KCNH7: variants seen among roughly 807,000 people sequenced by gnomAD.
The protein encoded by KCNH7 is potassium voltage-gated channel subfamily H member 7, also known as voltage-gated inwardly rectifying potassium channel KCNH7.
Under a neutral mutation model 120.8 loss-of-function variants are expected in KCNH7, and 49 were observed. The ratio of observed to expected loss-of-function variants is 0.41; its 90% CI spans 0.32 to 0.51. The LOEUF (loss-of-function observed/expected upper bound fraction) is 0.51. Among genes scored for constraint, KCNH7 ranks in the 20% least tolerant of loss-of-function variants. KCNH7 has a pLI of 0.38. For missense variants in KCNH7, 1,097 were observed against 1,446.6 expected, an observed-to-expected ratio of 0.76 and a Z score of 3.92; for synonymous variants, 547 against 516.1, an observed-to-expected ratio of 1.06 and a Z score of -0.81.
chr2:162,790,644 G>A (rs1574395483), intron 2 of KCNH7, among the ~76,000 whole-genome samples: 1 of 152,010 alleles, frequency 6.6e-6, no homozygotes, highest in Non-Finnish European at 1.5e-5. Flanking sequence ...ATAGGAAAGT[G>A]AGATTTACAC....
At chr2:162,702,474 T>A (rs113397441) in intron 2 of KCNH7, among the ~76,000 whole-genome samples, 1,525 of 152,306 alleles carry the variant, frequency 0.01, 24 homozygotes, top group African/African-American at 0.034. Flanking sequence ...ATGGAATTAC[T>A]GTGTCTCAAA....
At position 162,838,551 on chromosome 2, in the gene KCNH7, G is replaced by C. The variant is rs184397782; in HGVS notation, c.-33C>G. 3.4e-4 allele frequency: 530 copies of C among 1,567,182 alleles called. 1 individual carries two copies. The African/African-American group carries it at 6.5e-3, about 19-fold the overall frequency. On this transcript the variant is annotated 5_prime_UTR_variant, in exon 1 of 16. Transcript: ENST00000332142. The stretch of plus-strand genomic sequence containing the variant: ...CCGGTCTTCCGAGGAGCGCTCCCCC[G>C]GAGCTCTGGAGTTCTCCCGGGATCT...
chr2:162,770,441 C>A (rs927636181), intron 2 of KCNH7, among the ~76,000 whole-genome samples: 4 of 151,718 alleles, frequency 2.6e-5, no homozygotes, highest in African/African-American at 9.7e-5. Flanking sequence ...GATTTACAGT[C>A]TAAAGCCAAG....
intron 6 of KCNH7, among the ~76,000 whole-genome samples, chr2:162,456,597 G>T (rs73018991): frequency 0.091 from 13,843 of 152,068 alleles, 891 homozygotes; most frequent in African/African-American, 0.18. Context: ...AATATTGAGA[G>T]TGGGGTGTTA....
intron 6 of KCNH7, 96 bp downstream of exon 6, chr2:162,504,347 C>A: frequency 1.1e-6 from 1 of 900,894 alleles, no homozygotes; most frequent in Non-Finnish European, 1.8e-6. Context: ...AATGTCTTAC[C>A]TCTACCGACA....
rs148210376 is a variant in KCNH7 at position 162,752,053 on chromosome 2, C to A, written c.307+84484G>T. On this transcript the variant is annotated intron_variant, in intron 2 of 15. Coordinates refer to ENST00000332142, the MANE Select transcript of KCNH7 (RefSeq NM_033272.4). ...GCTTGCATTTTTTAAAAATACAAGGCAGTTAATGACTTCCTTATTTTTGTC... is the reference window on the plus strand; with the variant it reads ...GCTTGCATTTTTTAAAAATACAAGGAAGTTAATGACTTCCTTATTTTTGTC... 5.8e-3 allele frequency among the ~76,000 whole-genome samples: 882 copies of A among 152,160 alleles called. 8 individuals carry two copies. Among genetic ancestry groups the A allele is most frequent in the African/African-American group, 0.02 (824 of 41,532 alleles).
intron 2 of KCNH7, among the ~76,000 whole-genome samples, chr2:162,686,520 C>A (rs186167994): frequency 6.6e-6 from 1 of 151,918 alleles, no homozygotes; most frequent in Non-Finnish European, 1.5e-5. Flanking sequence ...ATAAGGGTTA[C>A]CCAGTGAGAC....
At chr2:162,728,910 T>G (rs965346928) in intron 2 of KCNH7, among the ~76,000 whole-genome samples, 1 of 152,236 alleles carries the variant, frequency 6.6e-6, no homozygotes, top group Non-Finnish European at 1.5e-5. Flanking sequence ...CAAGATTTCA[T>G]GTAAAATTTA....
chr2:162,652,776 A>T (rs867978940), intron 2 of KCNH7, among the ~76,000 whole-genome samples: 1 of 152,200 alleles, frequency 6.6e-6, no homozygotes. Flanking sequence ...CTTTATAAAC[A>T]CAAGTTCCAA....
intron 9 of KCNH7, among the ~76,000 whole-genome samples, chr2:162,406,707 G>C (rs1408173588): frequency 1.3e-5 from 2 of 151,880 alleles, no homozygotes; most frequent in African/African-American, 2.4e-5. Flanking sequence ...AGCCTTTCCT[G>C]ATTCTGGTAA....
At chr2:162,626,852 T>G (rs1683579155) in intron 2 of KCNH7, among the ~76,000 whole-genome samples, 1 of 152,158 alleles carries the variant, frequency 6.6e-6, no homozygotes, top group African/African-American at 2.4e-5. Flanking sequence ...GTAACTAAGC[T>G]GATGGAACTT....
chr2:162,623,894 G>A (rs748919418), intron 2 of KCNH7, among the ~76,000 whole-genome samples: 1 of 152,146 alleles, frequency 6.6e-6, no homozygotes, highest in Non-Finnish European at 1.5e-5. Context: ...GTTTTCCTCA[G>A]TTTATTACCT....
intron 3 of KCNH7, among the ~76,000 whole-genome samples, chr2:162,532,740 A>T (rs76101600): frequency 1.0e-3 from 157 of 152,088 alleles, no homozygotes; most frequent in Non-Finnish European, 1.7e-3. Flanking sequence ...ATTTGAGGCC[A>T]AAAGAAAAGT....
At chr2:162,454,668 A>T (rs1688897271) in intron 6 of KCNH7, among the ~76,000 whole-genome samples, 1 of 151,460 alleles carries the variant, frequency 6.6e-6, no homozygotes, top group Non-Finnish European at 1.5e-5. Context: ...AGTCCTTCAC[A>T]CCCCTTGTAA....
chr2:162,785,754 G>T (rs1015124965), intron 2 of KCNH7, among the ~76,000 whole-genome samples: 12 of 151,896 alleles, frequency 7.9e-5, no homozygotes, highest in Non-Finnish European at 1.6e-4. Flanking sequence ...TGTTTTTGTT[G>T]TTGTTGCTTG....
At chr2:162,667,133 C>T (rs1371322297) in intron 2 of KCNH7, among the ~76,000 whole-genome samples, 1 of 150,654 alleles carries the variant, frequency 6.6e-6, no homozygotes, top group East Asian at 2.0e-4. Context: ...GATCTTCAAA[C>T]ATCAGCCTCC....
intron 2 of KCNH7, among the ~76,000 whole-genome samples, chr2:162,586,030 G>T (rs898922551): frequency 2.2e-4 from 34 of 152,030 alleles, no homozygotes; most frequent in African/African-American, 8.0e-4. Flanking sequence ...TTCCCATATA[G>T]TTATGATTAG....
intron 2 of KCNH7, among the ~76,000 whole-genome samples, chr2:162,592,919 A>G (rs1008519432): frequency 1.3e-5 from 2 of 152,046 alleles, no homozygotes; most frequent in South Asian, 4.1e-4. Flanking sequence ...TAAATGAATG[A>G]GTATCTGCAG....
At chr2:162,812,181 C>T (rs1023226840) in intron 2 of KCNH7, among the ~76,000 whole-genome samples, 1 of 151,974 alleles carries the variant, frequency 6.6e-6, no homozygotes, top group African/African-American at 2.4e-5. Context: ...TATGGGATAT[C>T]TGGAAACTTA....
Sources: gnomAD v4.1 joint callset for allele counts (sites outside exome capture counted in the v4.1 genomes callset) on GRCh38, gnomAD v4.1.1 for gene constraint, MANE v1.5 for transcripts, NCBI Gene and HGNC (gene_info 2026-07-23, HGNC 2026-07-21) for gene names.